The following FYN variants were observed in gnomAD, a reference collection of about 807,000 sequenced individuals.
The protein encoded by FYN is FYN proto-oncogene, Src family tyrosine kinase, also known as tyrosine-protein kinase Fyn.
Under a neutral mutation model 70.2 loss-of-function variants are expected in FYN, and 10 were observed. The ratio of observed to expected loss-of-function variants is 0.14; its 90% CI spans 0.09 to 0.24. The LOEUF (loss-of-function observed/expected upper bound fraction) is 0.24, where lower values mean the gene tolerates loss of function less well. FYN is among the 10% of genes least tolerant of loss of function. The pLI, the probability that FYN is intolerant of heterozygous loss-of-function variation, is 1.00. For synonymous variants in FYN, 236 were observed against 248.6 expected, an observed-to-expected ratio of 0.95 and a Z score of 0.48; for missense variants, 319 against 673.1, an observed-to-expected ratio of 0.47 and a Z score of 5.82.
At chr6:111,788,707 T>C (rs1771495181) in intron 2 of FYN, among the ~76,000 whole-genome samples, 2 of 152,210 alleles carry the variant, frequency 1.3e-5, no homozygotes, top group East Asian at 3.8e-4. Context: ...CTTGATTGTC[T>C]GAAAAATTAG....
At chr6:111,673,259 T>TGTCTG (rs1798375519) in intron 13 of FYN, among the ~76,000 whole-genome samples, 1 of 152,010 alleles carries the variant, frequency 6.6e-6, no homozygotes, top group Non-Finnish European at 1.5e-5. Context: ...ATTCCCGGAG[T>TGTCTG]GTCTGCCCGT....
chr6:111,871,609 C>T (rs545013985), intron 1 of FYN, among the ~76,000 whole-genome samples: 30 of 152,332 alleles, frequency 2.0e-4, no homozygotes, highest in African/African-American at 7.0e-4. Flanking sequence ...CCCTCTTAGA[C>T]TTGAGAGAAG....
rs1773930331 is a variant in FYN at position 111,860,370 on chromosome 6, G to C, written c.-123+12598C>G. Among the ~76,000 whole-genome samples, 4 of 152,134 alleles carry C rather than the reference G, an allele frequency of 2.6e-5. No individual in the cohort carries two copies. In the South Asian group the frequency reaches 8.3e-4, roughly 32 times the overall value. On this transcript the variant is annotated intron_variant, in intron 1 of 13. Transcript: ENST00000354650. ...CCATGGGCTAGACTGAAAACCCCAT[G>C]GGTGTTTTGGTGGGCAGCACAGAGC... is the stretch of plus-strand genomic sequence containing the variant.
chr6:111,754,010 C>T (rs1031804705), intron 3 of FYN, among the ~76,000 whole-genome samples: 1 of 152,140 alleles, frequency 6.6e-6, no homozygotes, highest in Non-Finnish European at 1.5e-5. Flanking sequence ...AAGGACTCAC[C>T]AAACTAGAAG....
intron 9 of FYN, chr6:111,696,849 T>C (rs571916851): frequency 6.7e-4 from 103 of 154,688 alleles, no homozygotes; most frequent in Non-Finnish European, 1.2e-3. Flanking sequence ...ACAGTGTGCA[T>C]GGAAGAAATT....
At chr6:111,771,361 G>A (rs1198048612) in intron 3 of FYN, among the ~76,000 whole-genome samples, 1 of 152,136 alleles carries the variant, frequency 6.6e-6, no homozygotes, top group African/African-American at 2.4e-5. Context: ...AGAAGGAAAT[G>A]TATTTGTTTT....
At chr6:111,754,726 T>C (rs1802639640) in intron 3 of FYN, 1 of 152,096 alleles carries the variant, frequency 6.6e-6, no homozygotes, top group Non-Finnish European at 1.5e-5. Context: ...TTGGCCTTAA[T>C]ATACAGTAGT....
At chr6:111,707,697 A>T (rs1800160626) in intron 6 of FYN, among the ~76,000 whole-genome samples, 1 of 152,168 alleles carries the variant, frequency 6.6e-6, no homozygotes. Context: ...TAGGGTATTG[A>T]TAGAAAGTTT....
intron 3 of FYN, among the ~76,000 whole-genome samples, chr6:111,732,107 T>G (rs569926599): frequency 5.3e-5 from 8 of 152,338 alleles, no homozygotes; most frequent in Admixed American, 3.3e-4. Flanking sequence ...AGACCACTTG[T>G]GGATGACCTA....
chr6:111,772,806 T>C (rs996959227), intron 3 of FYN, among the ~76,000 whole-genome samples: 3 of 125,692 alleles, frequency 2.4e-5, no homozygotes, highest in Non-Finnish European at 4.7e-5. Flanking sequence ...GGAAAAGTTA[T>C]CAACCAAATT....
intron 2 of FYN, among the ~76,000 whole-genome samples, chr6:111,823,572 AAG>A (rs1772741468): frequency 6.6e-6 from 1 of 152,330 alleles, no homozygotes; most frequent in Admixed American, 6.5e-5. Context: ...GCCAAGATCT[AAG>A]GGATAAAAAT....
chr6:111,828,548 T>TAC (rs1414742542), intron 2 of FYN, among the ~76,000 whole-genome samples: 1 of 151,702 alleles, frequency 6.6e-6, no homozygotes, highest in African/African-American at 2.4e-5. Context: ...ATATGGTCTA[T>TAC]ACATACAATG....
chr6:111,841,762 A>G lies in FYN; in HGVS notation c.-82+4827T>C, dbSNP rs113166119. The stretch of plus-strand genomic sequence containing the variant: ...TTATCAATATCCTCCTAAATTTAGA[A>G]TGTCTAGGAAGAGGGATTTTTTTTT... On this transcript the variant is annotated intron_variant, in intron 2 of 13. Coordinates refer to ENST00000354650, the MANE Select transcript of FYN (RefSeq NM_002037.5). 3.1e-3 allele frequency among the ~76,000 whole-genome samples: 477 copies of G among 152,088 alleles called. 1 individual carries two copies. The highest frequency in any genetic ancestry group is 0.011 in the African/African-American group (465 of 41,498).
rs71021858 is a variant in FYN, at chr6:111,673,622, G to GTTTTTTTTTTTTTTTT, written c.1405+861_1405+876dup. On this transcript the variant is annotated intron_variant, in intron 13 of 13. Coordinates refer to ENST00000354650, the MANE Select transcript of FYN (RefSeq NM_002037.5). ...AATCGTCACTATCGTTTCTATCATTGTTTTTTTTTTTTTTTTTTTCTTTAA... is the reference window on the plus strand; with the variant it reads ...AATCGTCACTATCGTTTCTATCATTGTTTTTTTTTTTTTTTTTTTTTTTTTTTTTTTTTTTCTTTAA... Among the ~76,000 whole-genome samples the GTTTTTTTTTTTTTTTT allele has an allele frequency of 9.5e-4, 111 of 116,554 alleles. 8 individuals carry two copies. Among genetic ancestry groups the GTTTTTTTTTTTTTTTT allele is most frequent in the Admixed American group, 1.5e-3 (14 of 9,582 alleles). 76.5% of individuals were successfully genotyped at this position (116,554 alleles called of 152,430 possible).
chr6:111,863,245 G>C (rs532806605), intron 1 of FYN, among the ~76,000 whole-genome samples: 1 of 152,322 alleles, frequency 6.6e-6, no homozygotes, highest in South Asian at 2.1e-4. Flanking sequence ...ACAGCAACTA[G>C]AGAAACCATT....
chr6:111,798,078 T>C (rs1033673852), intron 2 of FYN, among the ~76,000 whole-genome samples: 3 of 152,168 alleles, frequency 2.0e-5, no homozygotes, highest in African/African-American at 7.2e-5. Context: ...TTTAAATACA[T>C]CTTAACATTG....
rs554827365 is a variant in FYN, at chr6:111,731,784, A to G, written c.-11-11722T>C. Among the ~76,000 whole-genome samples, 7 of 152,256 alleles carry G rather than the reference A, an allele frequency of 4.6e-5. No individual in the cohort carries two copies. The South Asian group carries it at 1.2e-3, about 27-fold the overall frequency. On this transcript the variant is annotated intron_variant, in intron 3 of 13. Transcript: ENST00000354650. ...CAGACTCCAGCCAGCCTCCTCCTACACTTTATTGCCTGAAGGAAAGGAGGA... is the reference window on the plus strand; with the variant it reads ...CAGACTCCAGCCAGCCTCCTCCTACGCTTTATTGCCTGAAGGAAAGGAGGA...
intron 3 of FYN, among the ~76,000 whole-genome samples, chr6:111,742,747 T>A (rs534257579): frequency 1.8e-4 from 28 of 152,304 alleles, no homozygotes; most frequent in African/African-American, 6.7e-4. Flanking sequence ...TCATTTACCA[T>A]CTTATGTCAA....
At chr6:111,828,431 G>A (rs72942201) in intron 2 of FYN, among the ~76,000 whole-genome samples, 6,588 of 152,100 alleles carry the variant, frequency 0.043, 178 homozygotes, top group Middle Eastern at 0.096. Flanking sequence ...AATTGAAAAC[G>A]GGGTCTCCAA....
Sources: gnomAD v4.1 joint callset for allele counts (sites outside exome capture counted in the v4.1 genomes callset) on GRCh38, gnomAD v4.1.1 for gene constraint, MANE v1.5 for transcripts, NCBI Gene and HGNC (gene_info 2026-07-23, HGNC 2026-07-21) for gene names.